SH3BP2: variants seen among roughly 807,000 people sequenced by gnomAD.
SH3BP2 encodes SH3 domain binding protein 2.
SH3BP2 carries 38 observed loss-of-function variants against 56.2 expected under a neutral mutation model. The ratio of observed to expected loss-of-function variants is 0.68; its 90% confidence interval spans 0.52 to 0.89. SH3BP2 has a LOEUF of 0.89. Ranked by LOEUF, SH3BP2 falls within the 40% of genes least tolerant of loss-of-function variation. The pLI, the probability that SH3BP2 is intolerant of heterozygous loss-of-function variation, is 0.00. For missense variants in SH3BP2, 748 were observed against 762.6 expected, an observed-to-expected ratio of 0.98 and a Z score of 0.23; for synonymous variants, 346 against 316.7, an observed-to-expected ratio of 1.09 and a Z score of -0.98.
At chr4:2,796,659 A>G (rs1253373483) in intron 1 of SH3BP2, 4 of 155,846 alleles carry the variant, frequency 2.6e-5, no homozygotes, top group African/African-American at 9.6e-5. Context: ...TGATTCCAAG[A>G]AGTGCCCTCT....
At chr4:2,833,440 A>T (rs537857558) in intron 12 of SH3BP2, 1 of 596,760 alleles carries the variant, frequency 1.7e-6, no homozygotes, top group Non-Finnish European at 3.0e-6. Context: ...TGCCTGGCCT[A>T]GGTTCATTTC....
In SH3BP2 at chr4:2,829,144, G is replaced by A. The variant is rs574528092; in HGVS notation, c.587-349G>A. On this transcript the variant is annotated intron_variant, in intron 7 of 12. Transcript: ENST00000503393. This position sits in a 1 kb window ranked among gnomAD's most constrained non-coding sequence, Gnocchi z 4.9. ...CCCCTCCCCTGTCCTTGGGAATTCCGTCCTCCCTCTCGCTCCAGCCGAGCC... is the reference window on the plus strand; with the variant it reads ...CCCCTCCCCTGTCCTTGGGAATTCCATCCTCCCTCTCGCTCCAGCCGAGCC... Among the ~76,000 whole-genome samples, 94 of 152,196 alleles carry A rather than the reference G, an allele frequency of 6.2e-4. 1 individual carries two copies. The highest frequency in any genetic ancestry group is 5.6e-3 in the Admixed American group (85 of 15,284).
intron 1 of SH3BP2, among the ~76,000 whole-genome samples, chr4:2,805,054 G>A (rs1206310322): frequency 1.3e-5 from 2 of 152,224 alleles, no homozygotes; most frequent in African/African-American, 4.8e-5. Context: ...GTGACTGTGG[G>A]CAGGGAAGCA....
intron 3 of SH3BP2, 132 bp from the exon 4 acceptor site, chr4:2,824,481 A>G: frequency 1.6e-6 from 1 of 636,458 alleles, no homozygotes; most frequent in Non-Finnish European, 2.7e-6. Context: ...ATCAGCAGCC[A>G]GGGCCCACCC....
intron 1 of SH3BP2, among the ~76,000 whole-genome samples, chr4:2,803,510 C>A (rs1430148555): frequency 1.3e-5 from 2 of 152,178 alleles, no homozygotes; most frequent in Non-Finnish European, 2.9e-5. Flanking sequence ...GAGGACGGAG[C>A]AAGGCTCAGG....
intron 1 of SH3BP2, among the ~76,000 whole-genome samples, chr4:2,802,641 GTA>G (rs776382628): frequency 1.6e-4 from 24 of 147,268 alleles, no homozygotes; most frequent in Middle Eastern, 3.8e-3. Context: ...TGTGGTGTGT[GTA>G]TATATATATG....
chr4:2,812,471 C>G (rs1403595076), intron 1 of SH3BP2: 1 of 1,549,994 alleles, frequency 6.5e-7, no homozygotes, highest in South Asian at 1.2e-5. Flanking sequence ...TGGGTCAGCA[C>G]CATCAGGTCA....
chr4:2,832,823 G>A (rs1414194489), intron 11 of SH3BP2, among the ~76,000 whole-genome samples, 167 bp from the exon 12 acceptor site: 4 of 152,194 alleles, frequency 2.6e-5, no homozygotes, highest in Non-Finnish European at 5.9e-5. Context: ...GGCTGCCAGT[G>A]TCGCCCCCGC....
intron 1 of SH3BP2, among the ~76,000 whole-genome samples, chr4:2,815,724 C>T (rs1413835284): frequency 6.6e-6 from 1 of 152,234 alleles, no homozygotes; most frequent in Non-Finnish European, 1.5e-5. Flanking sequence ...GCTTCCTGTG[C>T]CTTCCAGGCA....
Position 2,829,360 on chromosome 4 carries a change from T to A in SH3BP2, c.587-133T>A. 1 of 880,496 alleles carries A rather than the reference T, an allele frequency of 1.1e-6. No homozygotes were observed. The highest frequency in any genetic ancestry group is 1.8e-6 in the Non-Finnish European group (1 of 542,120). 54.5% of individuals were successfully genotyped at this position (880,496 alleles called of 1,614,324 possible). ...AGGATGGGAGTGCTGGGTGCTGGGCTGCTGGGTGGGCAGGCTGTGGGGTGG... is the reference window on the plus strand; with the variant it reads ...AGGATGGGAGTGCTGGGTGCTGGGCAGCTGGGTGGGCAGGCTGTGGGGTGG... On this transcript the variant is annotated intron_variant, in intron 7 of 12. Transcript: ENST00000503393. The surrounding 1 kb of genome is among the most constrained non-coding windows in gnomAD (Gnocchi z 4.9).
chr4:2,804,733 C>A (rs1723461231), intron 1 of SH3BP2, among the ~76,000 whole-genome samples: 1 of 152,352 alleles, frequency 6.6e-6, no homozygotes, highest in Admixed American at 6.5e-5. Flanking sequence ...CCTTCTTACC[C>A]ACCCCAGAGC....
rs886059360 is a variant in SH3BP2 at position 2,834,249 on chromosome 4, G to C, written c.*415G>C. ...CAGGAACGCTAAGACACAGGCTCCA[G>C]TAGGGGCTGTTGCCTCCAATAAAGC... On this transcript the variant is annotated 3_prime_UTR_variant, in exon 13 of 13. Transcript: ENST00000503393. 3.4e-5 allele frequency: 6 copies of C among 177,392 alleles called. No individual in the cohort carries two copies. Among genetic ancestry groups the C allele is most frequent in the African/African-American group, 1.4e-4 (6 of 42,280 alleles). 11.0% of individuals were successfully genotyped at this position (177,392 alleles called of 1,614,324 possible). A position where few individuals can be genotyped will look rare whatever the true frequency, so the allele number is the denominator to read the frequency against.
Position 2,832,078 on chromosome 4 carries a change from A to G in SH3BP2, c.1406+100A>G, listed in dbSNP as rs111483801. ...TTCCGTGTTGGGGAGTTGCTGGCACAAGTTCATGGCCCTGCGTGCAGCAGA... is the reference window on the plus strand; with the variant it reads ...TTCCGTGTTGGGGAGTTGCTGGCACGAGTTCATGGCCCTGCGTGCAGCAGA... On this transcript the variant is annotated intron_variant, in intron 10 of 12. Coordinates refer to ENST00000503393, the MANE Select transcript of SH3BP2 (RefSeq NM_001122681.2). 9.6e-4 allele frequency: 1,229 copies of G among 1,282,666 alleles called. 11 individuals carry two copies. In the African/African-American group the frequency reaches 0.016, roughly 17 times the overall value. 79.5% of individuals were successfully genotyped at this position (1,282,666 alleles called of 1,614,324 possible).
At position 2,814,253 on chromosome 4, in the gene SH3BP2, C is replaced by T. The variant is rs149336168; in HGVS notation, c.-4-6361C>T. ...GGCCTGCACAGGCCATGACCACACA[C>T]GCCACAGGGCTCATGGGGCCCCAGG... On this transcript the variant is annotated intron_variant, in intron 1 of 12. Transcript: ENST00000503393. Among the ~76,000 whole-genome samples the T allele has an allele frequency of 7.0e-4, 106 of 152,362 alleles. 4 individuals carry two copies. The East Asian group carries it at 0.018, about 26-fold the overall frequency.
At chr4:2,803,677 C>A (rs1723405877) in intron 1 of SH3BP2, among the ~76,000 whole-genome samples, 1 of 152,158 alleles carries the variant, frequency 6.6e-6, no homozygotes. Context: ...CTAACTAAGA[C>A]CCACCTCTGT....
chr4:2,820,937 G>A (rs1335789754), intron 2 of SH3BP2, among the ~76,000 whole-genome samples, 184 bp downstream of exon 2: 1 of 152,310 alleles, frequency 6.6e-6, no homozygotes, highest in East Asian at 1.9e-4. Context: ...CCCCAGGACT[G>A]TAGCAGGGTC....
intron 8 of SH3BP2, 98 bp downstream of exon 8, chr4:2,830,245 T>C: frequency 1.7e-6 from 2 of 1,210,612 alleles, no homozygotes; most frequent in South Asian, 3.0e-5. Flanking sequence ...CCTGGCACTC[T>C]TAGCCCACGA....
At chr4:2,832,120 C>T in intron 10 of SH3BP2, 142 bp downstream of exon 10, 3 of 1,003,282 alleles carry the variant, frequency 3.0e-6, no homozygotes, top group African/African-American at 1.6e-5. Flanking sequence ...AGGAGTGGAC[C>T]TCCCTGCTCT....
chr4:2,824,460 C>T (rs2108730253), intron 3 of SH3BP2, among the ~76,000 whole-genome samples, 153 bp from the exon 4 acceptor site: 1 of 146,290 alleles, frequency 6.8e-6, no homozygotes, highest in Non-Finnish European at 1.5e-5. Flanking sequence ...ATGAAGCTCA[C>T]TACTGGGAGC....
Sources: allele counts gnomAD v4.1 joint callset (sites outside exome capture counted in the v4.1 genomes callset), GRCh38; gene constraint gnomAD v4.1.1; non-coding constraint Gnocchi (gnomAD v3.1); transcripts MANE v1.5; gene names NCBI Gene and HGNC (gene_info 2026-07-23, HGNC 2026-07-21).